The following AKIRIN2 variants were observed in gnomAD, a reference collection of about 807,000 sequenced individuals.
AKIRIN2 encodes the protein akirin 2.
A neutral mutation model predicts 29.3 loss-of-function variants in AKIRIN2; 6 were observed. The ratio of observed to expected loss-of-function variants is 0.20; its 90% CI spans 0.11 to 0.40. The LOEUF is 0.40. Ranked by LOEUF, AKIRIN2 falls within the 10% of genes least tolerant of loss-of-function variation. The pLI is 1.00. For synonymous variants in AKIRIN2, 128 were observed against 117.5 expected (o/e 1.09, Z -0.58); for missense variants, 210 against 276.1 (o/e 0.76, Z 1.70).
chr6:87,679,133 C>A (rs541119045), intron 2 of AKIRIN2, among the ~76,000 whole-genome samples: 157 of 116,292 alleles, frequency 1.4e-3, no homozygotes, highest in African/African-American at 6.0e-3. Context: ...GAAACTTCAT[C>A]TCAGAAAAAA....
At chr6:87,676,751 G>C (rs1257070634) in intron 3 of AKIRIN2, among the ~76,000 whole-genome samples, 1 of 151,262 alleles carries the variant, frequency 6.6e-6, no homozygotes, top group Admixed American at 6.6e-5. Context: ...CTGCACTCCG[G>C]CCTGGGCGAC....
At chr6:87,681,488 C>T in intron 2 of AKIRIN2, 132 bp downstream of exon 2, 1 of 861,972 alleles carries the variant, frequency 1.2e-6, no homozygotes, top group African/African-American at 1.8e-5. Flanking sequence ...TTTAAGATGT[C>T]ATGCATTACT....
intron 1 of AKIRIN2, among the ~76,000 whole-genome samples, chr6:87,690,297 G>A (rs538870149): frequency 6.6e-6 from 1 of 152,088 alleles, no homozygotes; most frequent in African/African-American, 2.4e-5. Context: ...CTAAGGAGTG[G>A]AGAGGAAGGA....
At chr6:87,695,572 C>T (rs1234170273) in intron 1 of AKIRIN2, among the ~76,000 whole-genome samples, 5 of 152,228 alleles carry the variant, frequency 3.3e-5, no homozygotes, top group African/African-American at 1.2e-4. Context: ...TTCTTTGAAT[C>T]AACAGTGCTA....
rs542615824 is a variant in AKIRIN2, at chr6:87,697,611, A to G, written c.235+3839T>C. ...CTGAAGAGAGATGCTGCCTCCTCCA[A>G]CAGACGTCTCATTTGTTCGCCTAGA... On this transcript the variant is annotated intron_variant, in intron 1 of 4. Transcript: ENST00000257787. 3.9e-5 allele frequency among the ~76,000 whole-genome samples: 6 copies of G among 152,316 alleles called. No individual in the cohort carries two copies. The South Asian group carries it at 1.2e-3, about 32-fold the overall frequency.
chr6:87,691,785 T>C (rs1045203424), intron 1 of AKIRIN2, among the ~76,000 whole-genome samples: 1 of 152,220 alleles, frequency 6.6e-6, no homozygotes, highest in African/African-American at 2.4e-5. Context: ...TGATTGAGTG[T>C]CATGGAAGTC....
intron 1 of AKIRIN2, among the ~76,000 whole-genome samples, chr6:87,690,438 T>A (rs573740835): frequency 6.6e-6 from 1 of 152,190 alleles, no homozygotes; most frequent in Non-Finnish European, 1.5e-5. Context: ...TTGGCTAAGA[T>A]CAAGTGTAAT....
chr6:87,680,511 T>C (rs1771102633), intron 2 of AKIRIN2, among the ~76,000 whole-genome samples: 1 of 151,824 alleles, frequency 6.6e-6, no homozygotes, highest in South Asian at 2.1e-4. Flanking sequence ...GACCTCGTGA[T>C]AAACCTGCCT....
At chr6:87,697,031 G>A (rs775938190) in intron 1 of AKIRIN2, among the ~76,000 whole-genome samples, 8 of 151,148 alleles carry the variant, frequency 5.3e-5, no homozygotes, top group East Asian at 2.0e-4. Context: ...AAAAAAAGCC[G>A]GCGGCACAGG....
At chr6:87,698,265 GC>G in intron 1 of AKIRIN2, among the ~76,000 whole-genome samples, 1 of 151,520 alleles carries the variant, frequency 6.6e-6, no homozygotes. Flanking sequence ...ATGAGGGTAA[GC>G]AAACTTTTTC....
At chr6:87,682,339 C>T (rs1054772975) in intron 1 of AKIRIN2, among the ~76,000 whole-genome samples, 2 of 152,164 alleles carry the variant, frequency 1.3e-5, no homozygotes, top group Non-Finnish European at 2.9e-5. Context: ...AATACTACAG[C>T]ATTCTGAATC....
chr6:87,694,506 T>C (rs553454703), intron 1 of AKIRIN2, among the ~76,000 whole-genome samples: 1 of 152,150 alleles, frequency 6.6e-6, no homozygotes, highest in East Asian at 1.9e-4. Context: ...TCAAATGAGG[T>C]TCATAAGGGT....
chr6:87,684,725 AG>A (rs1771163409), intron 1 of AKIRIN2, among the ~76,000 whole-genome samples: 2 of 152,180 alleles, frequency 1.3e-5, no homozygotes, highest in Non-Finnish European at 2.9e-5. Flanking sequence ...TTTATTGGTG[AG>A]TATTCCATCA....
intron 1 of AKIRIN2, among the ~76,000 whole-genome samples, chr6:87,693,086 G>A (rs747633368): frequency 1.6e-4 from 25 of 151,920 alleles, no homozygotes; most frequent in African/African-American, 5.8e-4. Context: ...AAAAGTAGCC[G>A]GGTATGATGG....
chr6:87,678,509 AT>A (rs1178101067), intron 2 of AKIRIN2, among the ~76,000 whole-genome samples: 4 of 152,190 alleles, frequency 2.6e-5, no homozygotes, highest in African/African-American at 4.8e-5. Flanking sequence ...TCTCAAAAAA[AT>A]AAAAACAAAA....
chr6:87,675,760 TTTG>T (rs2128299990), intron 4 of AKIRIN2, 97 bp downstream of exon 4: 1 of 1,463,382 alleles, frequency 6.8e-7, no homozygotes, highest in East Asian at 2.3e-5. Flanking sequence ...TCTCAGTAAT[TTTG>T]TTGAATTCTC....
chr6:87,694,439 C>T (rs1313817306), intron 1 of AKIRIN2, among the ~76,000 whole-genome samples: 1 of 152,194 alleles, frequency 6.6e-6, no homozygotes, highest in Non-Finnish European at 1.5e-5. Context: ...GCTCTATCAT[C>T]AGTCTCTCAA....
intron 2 of AKIRIN2, among the ~76,000 whole-genome samples, chr6:87,679,275 A>G (rs1448017917): frequency 6.6e-6 from 1 of 152,144 alleles, no homozygotes; most frequent in Non-Finnish European, 1.5e-5. Flanking sequence ...TCATACCTGT[A>G]ATCCCAGTAC....
At chr6:87,678,502 C>CA in intron 2 of AKIRIN2, among the ~76,000 whole-genome samples, 1 of 151,558 alleles carries the variant, frequency 6.6e-6, no homozygotes, top group African/African-American at 2.4e-5. Flanking sequence ...AACTCCATCT[C>CA]AAAAAAATAA....
Sources: gnomAD v4.1 joint callset for allele counts (sites outside exome capture counted in the v4.1 genomes callset) on GRCh38, gnomAD v4.1.1 for gene constraint, MANE v1.5 for transcripts, NCBI Gene and HGNC (gene_info 2026-07-23, HGNC 2026-07-21) for gene names.